Variants in LLGL2 observed in about 807,000 individuals in gnomAD.
The protein encoded by LLGL2 is LLGL scribble cell polarity complex component 2.
Under a neutral mutation model 123.2 loss-of-function variants are expected in LLGL2, and 81 were observed. The ratio of observed to expected loss-of-function variants is 0.66; its 90% CI spans 0.55 to 0.79. LLGL2 has a LOEUF of 0.79. Ranked by LOEUF, LLGL2 falls within the 30% of genes least tolerant of loss-of-function variation. The pLI, the probability that LLGL2 is intolerant of heterozygous loss-of-function variation, is 0.00. For synonymous variants in LLGL2, 577 were observed against 594.1 expected, an observed-to-expected ratio of 0.97 and a Z score of 0.42; for missense variants, 1,273 against 1,414.6, an observed-to-expected ratio of 0.90 and a Z score of 1.61.
chr17:75,555,743 G>C (rs1023776908), intron 2 of LLGL2, among the ~76,000 whole-genome samples: 4 of 152,138 alleles, frequency 2.6e-5, no homozygotes, highest in African/African-American at 9.7e-5. Flanking sequence ...GGCTGGGTCC[G>C]TCACCCAGGG....
intron 8 of LLGL2, 83 bp downstream of exon 8, chr17:75,563,546 C>T (rs2147457171): frequency 6.3e-7 from 1 of 1,577,866 alleles, no homozygotes; most frequent in Non-Finnish European, 8.6e-7. Context: ...GAAGCAAACT[C>T]CAGGGCCAGA....
chr17:75,530,491 A>C (rs1371306912), intron 1 of LLGL2, among the ~76,000 whole-genome samples: 2 of 152,134 alleles, frequency 1.3e-5, no homozygotes, highest in African/African-American at 4.8e-5. Flanking sequence ...TCTACTAAAA[A>C]TACAAAAAAT....
intron 3 of LLGL2, 163 bp from the exon 4 acceptor site, chr17:75,557,992 G>A (rs774500920): frequency 1.3e-6 from 1 of 762,432 alleles, no homozygotes; most frequent in South Asian, 1.4e-5. Context: ...GGGCTGCTGT[G>A]TCTCCTCCCC....
rs375131295 is a variant in LLGL2, at chr17:75,563,735, G to A, written c.827-17G>A. 5.6e-6 allele frequency: 9 copies of A among 1,613,926 alleles called. No individual in the cohort carries two copies. In the African/African-American group the frequency reaches 8.0e-5, roughly 14 times the overall value. On this transcript the variant is annotated splice_polypyrimidine_tract_variant and intron_variant, in intron 8 of 25. Transcript: ENST00000392550. ...GAGAGTTTGAGGATCCGTTCAAGCCGATTCCTTTCCTTTCAGGTCCCTTTC... is the reference window on the plus strand; with the variant it reads ...GAGAGTTTGAGGATCCGTTCAAGCCAATTCCTTTCCTTTCAGGTCCCTTTC...
Position 75,575,090 on chromosome 17 carries a change from G to A in LLGL2, c.*212G>A. 1.6e-6 allele frequency: 1 copy of A among 636,362 alleles called. No individual in the cohort carries two copies. The highest frequency in any genetic ancestry group is 2.8e-6 in the Non-Finnish European group (1 of 357,618). The allele number at this position is 636,362 out of a possible 1,614,324, so 39.4% of individuals were successfully genotyped here. ...CGGGCCTCGTCTGTCTGGGTCCTTT[G>A]GTCAATGTTGCACAGTTTTTATTGC... On this transcript the variant is annotated 3_prime_UTR_variant, in exon 26 of 26. Coordinates refer to ENST00000392550, the MANE Select transcript of LLGL2 (RefSeq NM_001031803.2).
In LLGL2 at chr17:75,568,314, C is replaced by T. The variant is rs2055534147; in HGVS notation, c.1037-162C>T. The T allele has an allele frequency of 2.1e-6, 3 of 1,440,220 alleles. No individual in the cohort carries two copies. The African/African-American group carries it at 4.3e-5, about 21-fold the overall frequency. The allele number at this position is 1,440,220 out of a possible 1,614,324, so 89.2% of individuals were successfully genotyped here. ...CATGCAGAGCCAGGGCTACTGCCCA[C>T]ACCTGCTGCCCTCCTGGAGATGGAA... On this transcript the variant is annotated intron_variant, in intron 10 of 25. Transcript: ENST00000392550.
chr17:75,543,593 T>C, intron 2 of LLGL2, 92 bp downstream of exon 2: 1 of 997,056 alleles, frequency 1.0e-6, no homozygotes, highest in Non-Finnish European at 1.5e-6. Flanking sequence ...GATTAAGGTA[T>C]AGCTCTTATG....
At chr17:75,541,367 A>G (rs2054198867) in intron 1 of LLGL2, among the ~76,000 whole-genome samples, 1 of 152,178 alleles carries the variant, frequency 6.6e-6, no homozygotes, top group Non-Finnish European at 1.5e-5. Context: ...TATGAGTGTG[A>G]GCTGCCCTCC....
Position 75,570,365 on chromosome 17 carries a change from G to T in LLGL2, c.1892G>T (p.Ser631Ile), listed in dbSNP as rs1053173777. ...QVFVKCTLHP[S>I]DQLALEGPLS... ...CCCCCAAGGTGCACACTGCACCCCA[G>T]TGACCAGCTGGCCTTGGAGGGCCCA... is the stretch of plus-strand genomic sequence containing the variant. Residue 631 changes from serine to isoleucine, a missense_variant, in exon 16 of 26, where the codon AGT becomes ATT. Physicochemically the swap from Ser to Ile is moderately radical, Grantham distance 142 (BLOSUM62 -2). Coordinates refer to ENST00000392550, the MANE Select transcript of LLGL2 (RefSeq NM_001031803.2). 1.2e-6 allele frequency: 2 copies of T among 1,612,070 alleles called. No homozygotes were observed. Among genetic ancestry groups the T allele is most frequent in the African/African-American group, 2.7e-5 (2 of 75,052 alleles).
Position 75,573,110 on chromosome 17 carries a change from A to G in LLGL2, c.2557A>G (p.Ser853Gly). 6.2e-7 allele frequency: 1 copy of G among 1,612,900 alleles called. No homozygotes were observed. The highest frequency in any genetic ancestry group is 8.5e-7 in the Non-Finnish European group (1 of 1,179,960). ...VRRVSVAHFG[S>G]RRAEDYGEHH... is the part of the protein sequence containing the mutation. ...GCGGGTCAGCGTGGCCCACTTCGGC[A>G]GTCGTCGAGCCGAGGACTACGGGGA... Residue 853 changes from serine to glycine, a missense_variant, in exon 20 of 26, where the codon AGT becomes GGT. Coordinates refer to ENST00000392550, the MANE Select transcript of LLGL2 (RefSeq NM_001031803.2).
At chr17:75,573,748 C>A in intron 21 of LLGL2, 117 bp downstream of exon 21, 1 of 1,267,964 alleles carries the variant, frequency 7.9e-7, no homozygotes, top group Non-Finnish European at 1.1e-6. Context: ...CTCAGCCCAC[C>A]CTCCCAGGCT....
At chr17:75,547,667 A>T (rs1343200832) in intron 2 of LLGL2, among the ~76,000 whole-genome samples, 2 of 152,174 alleles carry the variant, frequency 1.3e-5, no homozygotes, top group South Asian at 2.1e-4. Context: ...TCTACTAAAA[A>T]TACAAAAATC....
chr17:75,532,429 G>GT (rs1037687213), intron 1 of LLGL2: 65 of 150,760 alleles, frequency 4.3e-4, no homozygotes, highest in African/African-American at 1.5e-3. Context: ...TTTTTTCTTT[G>GT]TTTTTTTGTT....
At position 75,558,756 on chromosome 17, in the gene LLGL2, T is replaced by C. The variant is rs1942257092; in HGVS notation, c.371+129T>C. ...AGTGACTGGCATGCGTTTGGCCCGA[T>C]GCATCGCCACACTCAGGTGCTCCGA... is the stretch of plus-strand genomic sequence containing the variant. On this transcript the variant is annotated intron_variant, in intron 5 of 25. Transcript: ENST00000392550. The surrounding 1 kb of genome is among the most constrained non-coding windows in gnomAD (Gnocchi z 4.0). The C allele has an allele frequency of 1.4e-5, 10 of 730,028 alleles. No individual in the cohort carries two copies. The highest frequency in any genetic ancestry group is 2.1e-5 in the Non-Finnish European group (9 of 429,864). The allele number at this position is 730,028 out of a possible 1,614,324, so 45.2% of individuals were successfully genotyped here.
intron 3 of LLGL2, among the ~76,000 whole-genome samples, chr17:75,557,484 C>T (rs1298808761): frequency 1.3e-5 from 2 of 152,234 alleles, no homozygotes; most frequent in African/African-American, 4.8e-5. Context: ...TCAGGTTGGG[C>T]ACCCCGCCAG....
In LLGL2 at chr17:75,558,460, A is replaced by AG; in HGVS notation, c.256-50dup. 2 of 1,469,830 alleles carry AG rather than the reference A, an allele frequency of 1.4e-6. No homozygotes were observed. Among genetic ancestry groups the AG allele is most frequent in the Non-Finnish European group, 1.9e-6 (2 of 1,075,868 alleles). The allele number at this position is 1,469,830 out of a possible 1,614,324, so 91.0% of individuals were successfully genotyped here. ...GGGGCTGCGTGGCCCCAGTGTGTAAAGGCCTTGCCTGGGTAGCAAGACCAC... is the reference window on the plus strand; with the variant it reads ...GGGGCTGCGTGGCCCCAGTGTGTAAAGGGCCTTGCCTGGGTAGCAAGACCAC... On this transcript the variant is annotated intron_variant, in intron 4 of 25. Transcript: ENST00000392550. The surrounding 1 kb of genome is among the most constrained non-coding windows in gnomAD (Gnocchi z 4.0).
chr17:75,526,713 A>G (rs886632081), intron 1 of LLGL2, among the ~76,000 whole-genome samples: 4 of 152,080 alleles, frequency 2.6e-5, no homozygotes, highest in African/African-American at 9.7e-5. Context: ...TTTGTAGTTC[A>G]AGAGAACCTT....
chr17:75,566,718 A>T (rs2055458002), intron 10 of LLGL2, among the ~76,000 whole-genome samples: 1 of 152,144 alleles, frequency 6.6e-6, no homozygotes, highest in Admixed American at 6.5e-5. Context: ...TCAGTCAAGG[A>T]TGACGTGAGG....
intron 1 of LLGL2, among the ~76,000 whole-genome samples, chr17:75,542,181 G>A (rs1024383725): frequency 4.6e-5 from 7 of 152,026 alleles, no homozygotes; most frequent in African/African-American, 1.7e-4. Context: ...CTGACCTGAT[G>A]GTTAATTTTT....
Sources: allele counts gnomAD v4.1 joint callset (sites outside exome capture counted in the v4.1 genomes callset), GRCh38; gene constraint gnomAD v4.1.1; non-coding constraint Gnocchi (gnomAD v3.1); transcripts MANE v1.5; gene names NCBI Gene and HGNC (gene_info 2026-07-23, HGNC 2026-07-21).